RASSF8: variants seen among roughly 807,000 people sequenced by gnomAD.
RASSF8 encodes ras association domain-containing protein 8.
Under a neutral mutation model 48.5 loss-of-function variants are expected in RASSF8, and 22 were observed. That is an observed-to-expected ratio of 0.45 (90% CI 0.32 to 0.65). The LOEUF is 0.65. RASSF8 is among the 30% of genes least tolerant of loss of function. The pLI, the probability that RASSF8 is intolerant of heterozygous loss-of-function variation, is 0.03. For missense variants in RASSF8, 418 were observed against 489.2 expected, an observed-to-expected ratio of 0.85 and a Z score of 1.37; for synonymous variants, 127 against 171.5, an observed-to-expected ratio of 0.74 and a Z score of 2.03.
chr12:25,979,945 TGGAAGA>T (rs1194181364), intron 1 of RASSF8, among the ~76,000 whole-genome samples: 1 of 152,120 alleles, frequency 6.6e-6, no homozygotes, highest in African/African-American at 2.4e-5. Context: ...CTTTTACTGT[TGGAAGA>T]GGAAGGGAGG....
chr12:25,970,229 C>A (rs1291617558), intron 1 of RASSF8, among the ~76,000 whole-genome samples: 1 of 151,986 alleles, frequency 6.6e-6, no homozygotes, highest in Non-Finnish European at 1.5e-5. Flanking sequence ...TTTACTCCAA[C>A]CTTTATGGTG....
intron 2 of RASSF8, among the ~76,000 whole-genome samples, chr12:26,037,824 C>T (rs1943184056): frequency 6.6e-6 from 1 of 152,122 alleles, no homozygotes; most frequent in African/African-American, 2.4e-5. Flanking sequence ...AGAGCTTCCC[C>T]TAAAGGGTCA....
intron 2 of RASSF8, among the ~76,000 whole-genome samples, chr12:26,003,211 T>C (rs1466890497): frequency 1.3e-5 from 2 of 152,342 alleles, no homozygotes; most frequent in Non-Finnish European, 1.5e-5. Context: ...ATTGAGATGA[T>C]CATATGGTTT....
At chr12:26,078,870 C>T (rs930707063) in intron 5 of RASSF8, among the ~76,000 whole-genome samples, 6 of 152,068 alleles carry the variant, frequency 3.9e-5, no homozygotes, top group Non-Finnish European at 8.8e-5. Flanking sequence ...CTCTTGTAAA[C>T]TTAAATGAAT....
At chr12:25,987,403 TA>T (rs1941912082) in intron 1 of RASSF8, among the ~76,000 whole-genome samples, 1 of 152,176 alleles carries the variant, frequency 6.6e-6, no homozygotes, top group African/African-American at 2.4e-5. Context: ...ACAGCCAATA[TA>T]AGCTTTCATC....
chr12:25,999,509 A>T (rs1942206517), intron 2 of RASSF8, among the ~76,000 whole-genome samples: 1 of 152,042 alleles, frequency 6.6e-6, no homozygotes, highest in Non-Finnish European at 1.5e-5. Context: ...GCATTTTGGG[A>T]GGCTGAGGCA....
intron 2 of RASSF8, among the ~76,000 whole-genome samples, chr12:26,040,891 G>A (rs1014589021): frequency 2.8e-5 from 4 of 141,882 alleles, no homozygotes; most frequent in Non-Finnish European, 6.1e-5. Flanking sequence ...ATTATACATA[G>A]TTTTTTTTTT....
intron 3 of RASSF8, 108 bp from the exon 4 acceptor site, chr12:26,064,390 C>T (rs912284184): frequency 3.6e-6 from 4 of 1,099,040 alleles, no homozygotes; most frequent in Non-Finnish European, 5.1e-6. Context: ...TCAAACTTGA[C>T]CCTCTGATGC....
intron 2 of RASSF8, among the ~76,000 whole-genome samples, chr12:26,015,977 G>A (rs773196154): frequency 4.6e-5 from 7 of 152,038 alleles, no homozygotes; most frequent in Non-Finnish European, 7.4e-5. Context: ...TGGCCAGTTG[G>A]AGTTTATAAT....
chr12:25,976,442 G>A (rs1941607058), intron 1 of RASSF8, among the ~76,000 whole-genome samples: 1 of 152,226 alleles, frequency 6.6e-6, no homozygotes, highest in South Asian at 2.1e-4. Flanking sequence ...CTTAGCCTCT[G>A]ATTGGTTGCT....
intron 1 of RASSF8, among the ~76,000 whole-genome samples, chr12:25,975,248 A>G (rs1375155142): frequency 6.6e-6 from 1 of 152,166 alleles, no homozygotes; most frequent in Non-Finnish European, 1.5e-5. Flanking sequence ...CCGGAGAACA[A>G]ATAGTCTCGA....
chr12:25,991,889 TAAGTGTCC>T (rs985293561), intron 1 of RASSF8, among the ~76,000 whole-genome samples: 1 of 152,242 alleles, frequency 6.6e-6, no homozygotes, highest in Non-Finnish European at 1.5e-5. Context: ...CACATTTTTA[TAAGTGTCC>T]AATTAATGTT....
chr12:26,024,837 G>GC (rs990482295), intron 2 of RASSF8, among the ~76,000 whole-genome samples: 11 of 150,604 alleles, frequency 7.3e-5, no homozygotes, highest in Admixed American at 2.6e-4. Context: ...GGCGCCTGTA[G>GC]CCCCAGCTAC....
intron 2 of RASSF8, among the ~76,000 whole-genome samples, chr12:26,008,200 G>A (rs1031658744): frequency 1.3e-5 from 2 of 152,100 alleles, no homozygotes; most frequent in Non-Finnish European, 2.9e-5. Context: ...GTGAACCCGG[G>A]AGGCGGAGCT....
chr12:26,069,374 T>G lies in RASSF8; in HGVS notation c.*556T>G. The G allele has an allele frequency of 1.0e-6, 1 of 985,118 alleles. No homozygotes were observed. Among genetic ancestry groups the G allele is most frequent in the Non-Finnish European group, 1.2e-6 (1 of 829,606 alleles). 61.0% of individuals were successfully genotyped at this position (985,118 alleles called of 1,614,324 possible). ...TAACTCCACAGGAAGCCACTTGCAT[T>G]TGTTTTGTGAAACTGTCCTAGCCAT... On this transcript the variant is annotated 3_prime_UTR_variant, in exon 6 of 6. Transcript: ENST00000689635.
intron 1 of RASSF8, among the ~76,000 whole-genome samples, chr12:25,976,932 T>C (rs577959320): frequency 3.2e-4 from 49 of 152,338 alleles, no homozygotes; most frequent in Non-Finnish European, 5.9e-4. Context: ...AGCCTATAAT[T>C]CTAAGACGTT....
At position 26,068,874 on chromosome 12, in the gene RASSF8, CT is replaced by C. The variant is rs1170361574; in HGVS notation, c.*61del. 1 of 1,523,482 alleles carries C rather than the reference CT, an allele frequency of 6.6e-7. No individual in the cohort carries two copies. The highest frequency in any genetic ancestry group is 8.8e-7 in the Non-Finnish European group (1 of 1,140,040). The allele number at this position is 1,523,482 out of a possible 1,614,324, so 94.4% of individuals were successfully genotyped here. A position where few individuals can be genotyped will look rare whatever the true frequency, so the allele number is the denominator to read the frequency against. On this transcript the variant is annotated 3_prime_UTR_variant, in exon 6 of 6. Transcript: ENST00000689635. ...AGAGGTACCAAGGACAGTAAACTTCCTTTTTGATTTGTGCCAATGATGAACA... is the reference window on the plus strand; with the variant it reads ...AGAGGTACCAAGGACAGTAAACTTCCTTTTGATTTGTGCCAATGATGAACA...
chr12:26,025,516 C>T (rs939575714), intron 2 of RASSF8, among the ~76,000 whole-genome samples: 1 of 147,892 alleles, frequency 6.8e-6, no homozygotes, highest in African/African-American at 2.5e-5. Context: ...GAGCCGAGAT[C>T]GCACCGCTGC....
chr12:26,045,470 A>G (rs1416784297), intron 2 of RASSF8, among the ~76,000 whole-genome samples: 2 of 152,156 alleles, frequency 1.3e-5, no homozygotes, highest in Admixed American at 6.6e-5. Flanking sequence ...GTTTCCTCAC[A>G]AAATTATTTT....
Sources: gnomAD v4.1 joint callset for allele counts (sites outside exome capture counted in the v4.1 genomes callset) on GRCh38, gnomAD v4.1.1 for gene constraint, MANE v1.5 for transcripts, NCBI Gene and HGNC (gene_info 2026-07-23, HGNC 2026-07-21) for gene names.